Variants in TMTC1 observed in about 807,000 individuals in gnomAD.
TMTC1 encodes transmembrane O-mannosyltransferase targeting cadherins 1.
TMTC1 carries 73 observed loss-of-function variants against 104.8 expected under a neutral mutation model. The observed-to-expected ratio is 0.70, with a 90% CI of 0.58 to 0.85. The LOEUF (loss-of-function observed/expected upper bound fraction) is 0.85. Ranked by LOEUF, TMTC1 falls within the 40% of genes least tolerant of loss-of-function variation. The pLI, the probability that TMTC1 is intolerant of heterozygous loss-of-function variation, is 0.00. For missense variants in TMTC1, 1,035 were observed against 1,096.1 expected (o/e 0.94, Z 0.79); for synonymous variants, 434 against 428.7 (o/e 1.01, Z -0.15).
At chr12:29,707,667 C>T (rs777066153) in intron 5 of TMTC1, among the ~76,000 whole-genome samples, 9 of 152,204 alleles carry the variant, frequency 5.9e-5, no homozygotes, top group Non-Finnish European at 1.0e-4. Flanking sequence ...TTGGCCTCTG[C>T]ACATGTGGCC....
intron 9 of TMTC1, among the ~76,000 whole-genome samples, chr12:29,557,546 G>A (rs1356553907): frequency 6.6e-6 from 1 of 152,232 alleles, no homozygotes; most frequent in African/African-American, 2.4e-5. Context: ...CGCCTCCCAG[G>A]TTCAAGCGAT....
chr12:29,607,161 A>G (rs1445145624), intron 6 of TMTC1, among the ~76,000 whole-genome samples: 1 of 152,176 alleles, frequency 6.6e-6, no homozygotes, highest in African/African-American at 2.4e-5. Flanking sequence ...AGACACCAGC[A>G]CAGTCTTTAT....
At chr12:29,567,538 T>C (rs1006089140) in intron 9 of TMTC1, among the ~76,000 whole-genome samples, 1 of 152,232 alleles carries the variant, frequency 6.6e-6, no homozygotes. Flanking sequence ...CTACTTGTGA[T>C]ATTAGAAAGC....
In TMTC1 at chr12:29,675,589, TACAC is replaced by T. The variant is rs10605906; in HGVS notation, c.939-42257_939-42254del. 6.7e-3 allele frequency among the ~76,000 whole-genome samples: 777 copies of T among 116,610 alleles called. 2 individuals carry two copies. The highest frequency in any genetic ancestry group is 0.032 in the Middle Eastern group (7 of 220). The allele number at this position is 116,610 out of a possible 152,430, so 76.5% of individuals were successfully genotyped here. On this transcript the variant is annotated intron_variant, in intron 5 of 17. Coordinates refer to ENST00000539277, the MANE Select transcript of TMTC1 (RefSeq NM_001193451.2). ...TCTGTGCCCTGGACACACATGCAAA[TACAC>T]ACACACACACACACACACACACACA...
chr12:29,527,309 A>C (rs1268184630), intron 11 of TMTC1, among the ~76,000 whole-genome samples: 1 of 152,254 alleles, frequency 6.6e-6, no homozygotes, highest in Admixed American at 6.5e-5. Flanking sequence ...ACTTAACACC[A>C]TGCATGTGCC....
At chr12:29,679,784 G>T (rs1362925851) in intron 5 of TMTC1, among the ~76,000 whole-genome samples, 1 of 151,894 alleles carries the variant, frequency 6.6e-6, no homozygotes, top group Non-Finnish European at 1.5e-5. Flanking sequence ...GGATAGAGAG[G>T]ACTAGAGAGA....
chr12:29,633,250 C>T lies in TMTC1; in HGVS notation c.1025G>A (p.Ser342Asn). The change falls in exon 6 of 18, where the codon AGT (serine) becomes AAT (asparagine). Residue 342 changes from serine (S) to asparagine (N), a missense_variant. Transcript: ENST00000539277. ...VTLCYDWQVG[S>N]IPLVETIWDM... ...CCATATGGTCTCTACCAGAGGAATA[C>T]TGCCGACCTGCCAGTCATAGCACAG... The T allele has an allele frequency of 6.2e-7, 1 of 1,613,990 alleles. No individual in the cohort carries two copies.
At chr12:29,568,987 G>A (rs1164964796) in intron 9 of TMTC1, 1 of 455,954 alleles carries the variant, frequency 2.2e-6, no homozygotes, top group Non-Finnish European at 4.4e-6. Context: ...TATTATTACT[G>A]CAGGAGTAAT....
chr12:29,752,526 C>A (rs994976429), intron 4 of TMTC1, among the ~76,000 whole-genome samples: 6 of 152,162 alleles, frequency 3.9e-5, no homozygotes, highest in African/African-American at 1.4e-4. Flanking sequence ...CTGAAAGAAA[C>A]CTTCACGTAT....
intron 17 of TMTC1, among the ~76,000 whole-genome samples, chr12:29,510,856 A>C (rs1943814029): frequency 6.6e-6 from 1 of 152,202 alleles, no homozygotes; most frequent in South Asian, 2.1e-4. Context: ...TAAAAGCCCA[A>C]GTCCCTACAA....
At chr12:29,651,903 A>C (rs574319885) in intron 5 of TMTC1, among the ~76,000 whole-genome samples, 2,150 of 70,312 alleles carry the variant, frequency 0.031, 42 homozygotes, top group African/African-American at 0.11. Context: ...AAACTTGCCC[A>C]AAAAAAAAAA....
At chr12:29,635,306 C>A (rs749118823) in intron 5 of TMTC1, among the ~76,000 whole-genome samples, 1 of 152,136 alleles carries the variant, frequency 6.6e-6, no homozygotes, top group African/African-American at 2.4e-5. Flanking sequence ...TTTTCACAGA[C>A]CTTTCAGGCT....
chr12:29,729,247 G>A (rs1022031091), intron 5 of TMTC1, among the ~76,000 whole-genome samples: 1 of 151,414 alleles, frequency 6.6e-6, no homozygotes, highest in Non-Finnish European at 1.5e-5. Flanking sequence ...AAATTATGTT[G>A]GAATATCTGC....
At chr12:29,583,807 G>C (rs747230870) in intron 7 of TMTC1, among the ~76,000 whole-genome samples, 11 of 152,194 alleles carry the variant, frequency 7.2e-5, no homozygotes, top group Non-Finnish European at 1.3e-4. Flanking sequence ...TAGGGAATGA[G>C]AGAGTCATCT....
chr12:29,572,766 T>C (rs895478509), intron 8 of TMTC1, among the ~76,000 whole-genome samples: 8 of 152,346 alleles, frequency 5.3e-5, no homozygotes, highest in Non-Finnish European at 7.4e-5. Flanking sequence ...ATTACAGCAT[T>C]GGGCCAGCCG....
intron 7 of TMTC1, among the ~76,000 whole-genome samples, chr12:29,592,151 T>C (rs1946298663): frequency 6.6e-6 from 1 of 152,244 alleles, no homozygotes; most frequent in Non-Finnish European, 1.5e-5. Context: ...AATAGCATTA[T>C]TAATACAAGA....
At chr12:29,639,591 T>C (rs1170740365) in intron 5 of TMTC1, among the ~76,000 whole-genome samples, 1 of 152,162 alleles carries the variant, frequency 6.6e-6, no homozygotes, top group Non-Finnish European at 1.5e-5. Flanking sequence ...GCAAAATAAA[T>C]GCATATTTCA....
intron 5 of TMTC1, among the ~76,000 whole-genome samples, chr12:29,643,621 CTA>C (rs1457121933): frequency 9.8e-5 from 1 of 10,222 alleles, no homozygotes; most frequent in African/African-American, 5.0e-4. Flanking sequence ...TAATATATAT[CTA>C]TATATTATAT....
intron 5 of TMTC1, chr12:29,658,677 T>A (rs1387110570): frequency 2.3e-5 from 5 of 214,092 alleles, no homozygotes; most frequent in Admixed American, 2.1e-4. Flanking sequence ...TCCCTTGATG[T>A]CAACAATATC....
Sources: gnomAD v4.1 joint callset for allele counts (sites outside exome capture counted in the v4.1 genomes callset) on GRCh38, gnomAD v4.1.1 for gene constraint, MANE v1.5 for transcripts, NCBI Gene and HGNC (gene_info 2026-07-23, HGNC 2026-07-21) for gene names.